CA5A: variants seen among roughly 807,000 people sequenced by gnomAD.
CA5A encodes the protein carbonic anhydrase 5A.
CA5A carries 28 observed loss-of-function variants against 37.1 expected under a neutral mutation model. The ratio of observed to expected loss-of-function variants is 0.75; its 90% confidence interval spans 0.56 to 1.03. CA5A has a LOEUF of 1.03. Ranked by LOEUF, CA5A falls within the 50% of genes least tolerant of loss-of-function variation. The pLI, the probability that CA5A is intolerant of heterozygous loss-of-function variation, is 0.00. For synonymous variants in CA5A, 171 were observed against 158.4 expected (o/e 1.08, Z -0.60); for missense variants, 444 against 399.9 (o/e 1.11, Z -0.94).
chr16:87,919,831 G>A (rs184701783), intron 2 of CA5A, among the ~76,000 whole-genome samples: 1 of 152,314 alleles, frequency 6.6e-6, no homozygotes, highest in African/African-American at 2.4e-5. Context: ...GCTCATGCTG[G>A]CTCTGGAGCT....
intron 5 of CA5A, among the ~76,000 whole-genome samples, chr16:87,900,507 G>T (rs1418176510): frequency 6.6e-6 from 1 of 152,258 alleles, no homozygotes. Context: ...AGCCTCATCC[G>T]TCCGCACATG....
At chr16:87,919,194 G>A (rs2056196431) in intron 2 of CA5A, among the ~76,000 whole-genome samples, 1 of 152,196 alleles carries the variant, frequency 6.6e-6, no homozygotes, top group African/African-American at 2.4e-5. Flanking sequence ...AGTGGCCTTG[G>A]ACCTGAGAGC....
intron 2 of CA5A, among the ~76,000 whole-genome samples, chr16:87,905,550 G>T (rs2055948442): frequency 6.6e-6 from 1 of 152,146 alleles, no homozygotes; most frequent in Non-Finnish European, 1.5e-5. Context: ...GTAGAGACGG[G>T]GTTTCACCAT....
chr16:87,916,643 CTATT>C (rs2056147054), intron 2 of CA5A, among the ~76,000 whole-genome samples: 2 of 152,136 alleles, frequency 1.3e-5, no homozygotes, highest in Admixed American at 6.5e-5. Context: ...AGAGAAGTAC[CTATT>C]TATTAATTAA....
intron 3 of CA5A, among the ~76,000 whole-genome samples, chr16:87,903,683 G>A (rs1224786637): frequency 6.6e-6 from 1 of 152,030 alleles, no homozygotes; most frequent in African/African-American, 2.4e-5. Flanking sequence ...TTTTGGTTTG[G>A]GTGGACTCTA....
intron 2 of CA5A, among the ~76,000 whole-genome samples, chr16:87,910,000 C>G (rs774246220): frequency 3.9e-5 from 6 of 152,138 alleles, no homozygotes; most frequent in Non-Finnish European, 4.4e-5. Flanking sequence ...TCCTTGAACC[C>G]CCACCATAGG....
chr16:87,899,128 A>G (rs1429621213), intron 5 of CA5A, among the ~76,000 whole-genome samples: 1 of 152,010 alleles, frequency 6.6e-6, no homozygotes, highest in Non-Finnish European at 1.5e-5. Flanking sequence ...CTCTGAACCC[A>G]GGAGTCCAAC....
chr16:87,882,026 G>T (rs1171075943), intron 4 of CA5A: 1 of 152,238 alleles, frequency 6.6e-6, no homozygotes, highest in Non-Finnish European at 1.5e-5. Flanking sequence ...GGGGCCGGTA[G>T]AACTGGAGCC....
chr16:87,929,667 T>G (rs1393918773), intron 1 of CA5A, among the ~76,000 whole-genome samples: 3 of 151,346 alleles, frequency 2.0e-5, no homozygotes, highest in Non-Finnish European at 4.4e-5. Context: ...GGTCAGGAGA[T>G]CGAGACCATC....
At chr16:87,882,027 A>T (rs912602638) in intron 4 of CA5A, 1 of 152,182 alleles carries the variant, frequency 6.6e-6, no homozygotes, top group Non-Finnish European at 1.5e-5. Context: ...GGGCCGGTAG[A>T]ACTGGAGCCC....
At chr16:87,891,190 G>A (rs1190110656) in intron 6 of CA5A, among the ~76,000 whole-genome samples, 1 of 151,474 alleles carries the variant, frequency 6.6e-6, no homozygotes, top group Non-Finnish European at 1.5e-5. Context: ...AAAGGAGGCC[G>A]GGCTCGGTGG....
intron 6 of CA5A, among the ~76,000 whole-genome samples, chr16:87,891,467 C>CAAA (rs372043586): frequency 3.2e-5 from 4 of 124,736 alleles, no homozygotes; most frequent in African/African-American, 1.2e-4. Context: ...GACTCTGTCT[C>CAAA]AAAAAAAAAA....
chr16:87,904,271 G>A (rs1025120718), intron 3 of CA5A, among the ~76,000 whole-genome samples: 4 of 151,992 alleles, frequency 2.6e-5, no homozygotes, highest in Non-Finnish European at 5.9e-5. Flanking sequence ...GAGCCTGGGA[G>A]ACGGAGGTTG....
chr16:87,887,425 T>C (rs1270979384), downstream of CA5A: 1 of 151,220 alleles, frequency 6.6e-6, no homozygotes, highest in Non-Finnish European at 1.5e-5. Flanking sequence ...GAATTCCTTT[T>C]TACTTTGAGA....
At position 87,910,720 on chromosome 16, in the gene CA5A, G is replaced by A. The variant is rs146586149; in HGVS notation, c.341-5816C>T. On this transcript the variant is annotated intron_variant, in intron 2 of 6. Transcript: ENST00000649794. ...AGCCTCCTGAGTTGCTGGGACTACA[G>A]ACATGTGTTACCACACCCCACTAAT... 8.9e-3 allele frequency among the ~76,000 whole-genome samples: 1,356 copies of A among 151,964 alleles called. 21 individuals are homozygous for A. Among genetic ancestry groups the A allele is most frequent in the African/African-American group, 0.031 (1,296 of 41,412 alleles).
At chr16:87,892,198 G>A in intron 5 of CA5A, 1 of 400,588 alleles carries the variant, frequency 2.5e-6, no homozygotes, top group Non-Finnish European at 4.4e-6. Flanking sequence ...GCTTACGTTG[G>A]TGCTCACATT....
At chr16:87,893,349 G>C (rs367606264) in intron 5 of CA5A, 2 of 395,034 alleles carry the variant, frequency 5.1e-6, no homozygotes, top group East Asian at 6.3e-5. Context: ...GGATGGTCTC[G>C]ATCTCCTGAC....
intron 2 of CA5A, among the ~76,000 whole-genome samples, chr16:87,915,508 A>G (rs888357321): frequency 4.8e-5 from 7 of 145,280 alleles, no homozygotes; most frequent in African/African-American, 1.8e-4. Context: ...GGGCAACAGT[A>G]CCAGATCCTG....
intron 3 of CA5A, among the ~76,000 whole-genome samples, chr16:87,903,104 T>C (rs1251629687): frequency 6.6e-6 from 1 of 151,924 alleles, no homozygotes; most frequent in East Asian, 1.9e-4. Context: ...TATTTTCTAC[T>C]TCCTAGTTAT....
Sources: allele counts gnomAD v4.1 joint callset (sites outside exome capture counted in the v4.1 genomes callset), GRCh38; gene constraint gnomAD v4.1.1; transcripts MANE v1.5; gene names NCBI Gene and HGNC (gene_info 2026-07-23, HGNC 2026-07-21).